Variants in GPC5 observed in about 807,000 individuals in gnomAD.
GPC5 encodes glypican 5.
Under a neutral mutation model 53.9 loss-of-function variants are expected in GPC5, and 47 were observed. That is an observed-to-expected ratio of 0.87 (90% confidence interval 0.69 to 1.11). The LOEUF is 1.11. Among genes scored for constraint, GPC5 ranks in the 50% most tolerant of loss-of-function variants. The pLI is 0.00. For missense variants in GPC5, 748 were observed against 713.1 expected (o/e 1.05, Z -0.56); for synonymous variants, 286 against 263.3 (o/e 1.09, Z -0.84).
chr13:92,679,436 TA>T (rs1887048336), intron 7 of GPC5, among the ~76,000 whole-genome samples: 1 of 152,232 alleles, frequency 6.6e-6, no homozygotes. Flanking sequence ...CTATATCACT[TA>T]ATTTCACAGA....
chr13:92,165,615 A>AC (rs1002812954), intron 7 of GPC5, among the ~76,000 whole-genome samples: 16 of 151,936 alleles, frequency 1.1e-4, no homozygotes, highest in Non-Finnish European at 1.8e-4. Context: ...TAGGAGAACC[A>AC]CCCCCGTGAT....
At chr13:92,269,522 C>T (rs2042825788) in intron 7 of GPC5, among the ~76,000 whole-genome samples, 5 of 152,148 alleles carry the variant, frequency 3.3e-5, no homozygotes, top group Admixed American at 2.6e-4. Flanking sequence ...TCTCCTGCCT[C>T]AGCCTCCCAA....
chr13:92,751,303 T>TAAAAAAAAAA (rs71123435), intron 7 of GPC5, among the ~76,000 whole-genome samples: 3 of 38,776 alleles, frequency 7.7e-5, no homozygotes, highest in Admixed American at 7.4e-4. Context: ...CAGAAACATT[T>TAAAAAAAAAA]AAAAAAAAAA....
rs1292961835 is a variant in GPC5, at chr13:91,652,439, G to A, written c.326-40748G>A. 5.3e-5 allele frequency among the ~76,000 whole-genome samples: 8 copies of A among 151,868 alleles called. No homozygotes were observed. The East Asian group carries it at 5.8e-4, about 11-fold the overall frequency. ...ATGGCTTCTCTTGGCATATTTAATCGCCAGCATTACTACTCTTTCACTTTG... is the reference window on the plus strand; with the variant it reads ...ATGGCTTCTCTTGGCATATTTAATCACCAGCATTACTACTCTTTCACTTTG... On this transcript the variant is annotated intron_variant, in intron 2 of 7. Coordinates refer to ENST00000377067, the MANE Select transcript of GPC5 (RefSeq NM_004466.6).
chr13:92,296,733 T>TG (rs1489975690), intron 7 of GPC5, among the ~76,000 whole-genome samples: 1 of 152,074 alleles, frequency 6.6e-6, no homozygotes, highest in East Asian at 1.9e-4. Context: ...CGTGTGGGCG[T>TG]GGGCTTGGTG....
At chr13:92,582,428 T>C (rs1376210746) in intron 7 of GPC5, among the ~76,000 whole-genome samples, 3 of 152,264 alleles carry the variant, frequency 2.0e-5, no homozygotes, top group Admixed American at 6.5e-5. Flanking sequence ...GAGTAGATTT[T>C]GAAATTGGGT....
At chr13:91,604,161 T>A (rs2033277235) in intron 2 of GPC5, among the ~76,000 whole-genome samples, 2 of 144,956 alleles carry the variant, frequency 1.4e-5, no homozygotes, top group Non-Finnish European at 3.0e-5. Context: ...GTCCATGTGA[T>A]CTCATTGTTC....
intron 7 of GPC5, among the ~76,000 whole-genome samples, chr13:92,376,857 A>T (rs546153363): frequency 6.6e-6 from 1 of 152,180 alleles, no homozygotes; most frequent in African/African-American, 2.4e-5. Context: ...TCTACTAAAA[A>T]TACAAAAAAT....
chr13:91,505,585 A>G (rs1884896543), intron 2 of GPC5, among the ~76,000 whole-genome samples: 1 of 152,208 alleles, frequency 6.6e-6, no homozygotes, highest in Non-Finnish European at 1.5e-5. Context: ...CAAGTTTCAC[A>G]AATCTGACAA....
intron 7 of GPC5, among the ~76,000 whole-genome samples, chr13:92,520,323 CA>C (rs1566272589): frequency 6.6e-6 from 1 of 151,924 alleles, no homozygotes. Flanking sequence ...AGAGACACAA[CA>C]AAAAAAGAGA....
chr13:92,766,175 A>C (rs1047638279), intron 7 of GPC5, among the ~76,000 whole-genome samples: 17 of 152,100 alleles, frequency 1.1e-4, no homozygotes, highest in Non-Finnish European at 1.8e-4. Flanking sequence ...ATATGAGTCT[A>C]CCTGCACCAA....
chr13:92,618,525 G>C (rs1884771953), intron 7 of GPC5, among the ~76,000 whole-genome samples: 1 of 151,924 alleles, frequency 6.6e-6, no homozygotes. Flanking sequence ...CATGGGTAAG[G>C]AGATATACCA....
At chr13:91,579,594 C>G (rs1309793280) in intron 2 of GPC5, among the ~76,000 whole-genome samples, 1 of 148,774 alleles carries the variant, frequency 6.7e-6, no homozygotes, top group Non-Finnish European at 1.5e-5. Flanking sequence ...GAGTTTGCAT[C>G]ATAATATTTC....
At chr13:92,662,519 A>T (rs1426903762) in intron 7 of GPC5, among the ~76,000 whole-genome samples, 3 of 152,118 alleles carry the variant, frequency 2.0e-5, no homozygotes, top group Admixed American at 2.0e-4. Context: ...TTGTCTTTTA[A>T]GCAACCCCAA....
chr13:92,641,439 A>G lies in GPC5; in HGVS notation c.1562-224843A>G, dbSNP rs117634775. Among the ~76,000 whole-genome samples, 488 of 152,336 alleles carry G rather than the reference A, an allele frequency of 3.2e-3. 3 individuals carry two copies. The highest frequency in any genetic ancestry group is 4.9e-3 in the Non-Finnish European group (331 of 68,026). On this transcript the variant is annotated intron_variant, in intron 7 of 7. Transcript: ENST00000377067. ...AAGGCAGAGAAACGCTGATAGAATA[A>G]AGAAGGTGAAAGAGATATAAAAACT...
chr13:92,121,562 T>A (rs192280642), intron 6 of GPC5, among the ~76,000 whole-genome samples: 1 of 152,356 alleles, frequency 6.6e-6, no homozygotes, highest in East Asian at 1.9e-4. Context: ...CCCATAGCTG[T>A]TCCCATATGC....
intron 1 of GPC5, among the ~76,000 whole-genome samples, chr13:91,444,690 T>G (rs895826366): frequency 1.3e-5 from 2 of 152,208 alleles, no homozygotes; most frequent in Non-Finnish European, 2.9e-5. Context: ...TTGATTTCAC[T>G]TACAGCATTT....
intron 6 of GPC5, among the ~76,000 whole-genome samples, chr13:91,925,678 C>G (rs1381174175): frequency 6.6e-6 from 1 of 152,110 alleles, no homozygotes; most frequent in African/African-American, 2.4e-5. Flanking sequence ...ATCAGGGGCT[C>G]TCCTAGGTAT....
In GPC5 at chr13:91,779,315, A is replaced by G. The variant is rs975823261; in HGVS notation, c.1280+22895A>G. ...AAACACATGGTGGAGCTGTACAAAA[A>G]TATTTTCTCTATATTCTTAGTCTAT... On this transcript the variant is annotated intron_variant, in intron 5 of 7. Coordinates refer to ENST00000377067, the MANE Select transcript of GPC5 (RefSeq NM_004466.6). 1.1e-4 allele frequency among the ~76,000 whole-genome samples: 16 copies of G among 152,194 alleles called. 1 individual carries two copies. The highest frequency in any genetic ancestry group is 7.2e-4 in the Admixed American group (11 of 15,284).
Sources: allele counts gnomAD v4.1 joint callset (sites outside exome capture counted in the v4.1 genomes callset), GRCh38; gene constraint gnomAD v4.1.1; transcripts MANE v1.5; gene names NCBI Gene and HGNC (gene_info 2026-07-23, HGNC 2026-07-21).